Variants in RPS6KB1 observed in about 807,000 individuals in gnomAD.
RPS6KB1 encodes the protein ribosomal protein S6 kinase beta-1.
RPS6KB1 carries 12 observed loss-of-function variants against 70.2 expected under a neutral mutation model. The ratio of observed to expected loss-of-function variants is 0.17; its 90% CI spans 0.11 to 0.28. The LOEUF (loss-of-function observed/expected upper bound fraction) is 0.28, where lower values mean the gene tolerates loss of function less well. Ranked by LOEUF, RPS6KB1 falls within the 10% of genes least tolerant of loss-of-function variation. The probability of loss-of-function intolerance (pLI) is 1.00; values close to 1 mark genes in which losing one functional copy is unlikely to be tolerated. For missense variants in RPS6KB1, 270 were observed against 646.6 expected (o/e 0.42, Z 6.32); for synonymous variants, 175 against 211.2 (o/e 0.83, Z 1.49).
intron 5 of RPS6KB1, among the ~76,000 whole-genome samples, chr17:59,928,254 A>G (rs1227511780): frequency 2.6e-5 from 4 of 152,084 alleles, no homozygotes; most frequent in African/African-American, 9.7e-5. Context: ...GTTTTATCCT[A>G]TGTATATGTA....
intron 4 of RPS6KB1, among the ~76,000 whole-genome samples, chr17:59,924,737 G>T (rs1209633617): frequency 6.6e-6 from 1 of 151,616 alleles, no homozygotes; most frequent in Non-Finnish European, 1.5e-5. Flanking sequence ...ACAAAAGATA[G>T]CATAGTATCC....
chr17:59,930,283 A>G (rs2043857880), intron 6 of RPS6KB1, 109 bp downstream of exon 6: 1 of 767,798 alleles, frequency 1.3e-6, no homozygotes, highest in African/African-American at 1.7e-5. Context: ...CCAGTCACTC[A>G]CTCAGGACCT....
intron 12 of RPS6KB1, among the ~76,000 whole-genome samples, chr17:59,937,007 G>A (rs937248018): frequency 1.3e-5 from 2 of 152,006 alleles, no homozygotes; most frequent in African/African-American, 2.4e-5. Context: ...CTACAGACAC[G>A]TGTCACCATG....
At chr17:59,940,317 C>T (rs1470495874) in intron 12 of RPS6KB1, among the ~76,000 whole-genome samples, 7 of 141,526 alleles carry the variant, frequency 4.9e-5, no homozygotes, top group Admixed American at 2.9e-4. Context: ...GACAGACTCT[C>T]GCACTGTCAT....
intron 4 of RPS6KB1, among the ~76,000 whole-genome samples, chr17:59,924,601 T>A (rs1302075747): frequency 2.6e-5 from 4 of 151,934 alleles, no homozygotes; most frequent in Non-Finnish European, 5.9e-5. Flanking sequence ...CAGAAGGTAT[T>A]CTCAAAAGTC....
chr17:59,925,313 C>G (rs1468348721), intron 4 of RPS6KB1, among the ~76,000 whole-genome samples: 1 of 152,132 alleles, frequency 6.6e-6, no homozygotes, highest in African/African-American at 2.4e-5. Context: ...AGGGTAACTT[C>G]CTGGAACTTA....
chr17:59,929,671 G>T (rs1487978165), intron 5 of RPS6KB1, among the ~76,000 whole-genome samples: 1 of 151,928 alleles, frequency 6.6e-6, no homozygotes, highest in Non-Finnish European at 1.5e-5. Flanking sequence ...TTTTTACTAG[G>T]CCAGTGCCAG....
rs1183274834 is a variant in RPS6KB1, at chr17:59,912,567, G to A, written c.192-117G>A. 16 of 1,012,474 alleles carry A rather than the reference G, an allele frequency of 1.6e-5. No individual in the cohort carries two copies. In the South Asian group the frequency reaches 1.8e-4, roughly 12 times the overall value. The allele number at this position is 1,012,474 out of a possible 1,614,324, so 62.7% of individuals were successfully genotyped here. A position where few individuals can be genotyped will look rare whatever the true frequency, so the allele number is the denominator to read the frequency against. On this transcript the variant is annotated intron_variant, in intron 2 of 14. Coordinates refer to ENST00000225577, the MANE Select transcript of RPS6KB1 (RefSeq NM_003161.4). ...TAGAGCACAAATAATTTGGTGTCAT[G>A]TACTTTTTTACTTTTACTTACTTAG...
intron 1 of RPS6KB1, among the ~76,000 whole-genome samples, chr17:59,908,516 C>T (rs1023867272): frequency 8.1e-5 from 12 of 148,812 alleles, no homozygotes; most frequent in East Asian, 2.0e-4. Context: ...TATACATTTT[C>T]GAATAGATAA....
chr17:59,934,007 T>TA lies in RPS6KB1; in HGVS notation c.689-162dup, dbSNP rs2044096399. 1 of 613,226 alleles carries TA rather than the reference T, an allele frequency of 1.6e-6. No individual in the cohort carries two copies. Among genetic ancestry groups the TA allele is most frequent in the Non-Finnish European group, 3.0e-6 (1 of 337,200 alleles). The allele number at this position is 613,226 out of a possible 1,614,324, so 38.0% of individuals were successfully genotyped here. ...TGACTTTGCCCTAGCCTTAAACAGT[T>TA]AGCATCCCATTTTATGGATGGTACC... On this transcript the variant is annotated intron_variant, in intron 7 of 14. Coordinates refer to ENST00000225577, the MANE Select transcript of RPS6KB1 (RefSeq NM_003161.4). This position sits in a 1 kb window ranked among gnomAD's most constrained non-coding sequence, Gnocchi z 4.8.
chr17:59,912,274 C>A, intron 2 of RPS6KB1: 1 of 220,050 alleles, frequency 4.5e-6, no homozygotes, highest in Non-Finnish European at 9.5e-6. Flanking sequence ...TCTGCTCAAA[C>A]TGGCAAGGTC....
At chr17:59,901,461 TAAA>T (rs77992185) in intron 1 of RPS6KB1, among the ~76,000 whole-genome samples, 1 of 137,138 alleles carries the variant, frequency 7.3e-6, no homozygotes. Context: ...GACTCCATCT[TAAA>T]AAAAAAAAAA....
In RPS6KB1 at chr17:59,915,775, C is replaced by T. The variant is rs1213037332; in HGVS notation, c.381+1072C>T. ...GCCACTGCGCCTGGCCTACTGCTAT[C>T]TTTTTTTTTTTTTTTTTTTTTTTTA... On this transcript the variant is annotated intron_variant, in intron 4 of 14. Transcript: ENST00000225577. Among the ~76,000 whole-genome samples, 457 of 77,894 alleles carry T rather than the reference C, an allele frequency of 5.9e-3. 8 individuals carry two copies. The highest frequency in any genetic ancestry group is 0.028 in the African/African-American group (436 of 15,666). The allele number at this position is 77,894 out of a possible 152,430, so 51.1% of individuals were successfully genotyped here.
chr17:59,924,194 T>G (rs2043453179), intron 4 of RPS6KB1, among the ~76,000 whole-genome samples: 1 of 152,106 alleles, frequency 6.6e-6, no homozygotes, highest in Non-Finnish European at 1.5e-5. Context: ...CCAGGTGTGG[T>G]GGCAGGTGCC....
intron 1 of RPS6KB1, among the ~76,000 whole-genome samples, chr17:59,901,117 C>T (rs2041910304): frequency 6.6e-6 from 1 of 151,434 alleles, no homozygotes; most frequent in Admixed American, 6.6e-5. Context: ...GCCGAGATTG[C>T]ACCACTGCAT....
chr17:59,909,072 A>G (rs868482829), intron 1 of RPS6KB1, among the ~76,000 whole-genome samples: 35 of 150,690 alleles, frequency 2.3e-4, no homozygotes, highest in African/African-American at 8.0e-4. Context: ...CATTGCAGGC[A>G]TGGGCCACCA....
intron 1 of RPS6KB1, chr17:59,906,937 A>G (rs2042301670): frequency 2.7e-5 from 4 of 150,596 alleles, no homozygotes; most frequent in Non-Finnish European, 5.9e-5. Flanking sequence ...CAGGTGATCC[A>G]TGTGCCTTGG....
At chr17:59,927,672 T>C (rs2043694834) in intron 5 of RPS6KB1, among the ~76,000 whole-genome samples, 1 of 150,056 alleles carries the variant, frequency 6.7e-6, no homozygotes, top group Non-Finnish European at 1.5e-5. Context: ...ACACTTGGCT[T>C]TTTTTTGTAT....
chr17:59,910,644 G>T (rs1320217838), intron 2 of RPS6KB1, 33 bp downstream of exon 2: 1 of 1,420,946 alleles, frequency 7.0e-7, no homozygotes. Flanking sequence ...TCATTGTGTT[G>T]TCTTTCTTAC....
Sources: allele counts gnomAD v4.1 joint callset (sites outside exome capture counted in the v4.1 genomes callset), GRCh38; gene constraint gnomAD v4.1.1; non-coding constraint Gnocchi (gnomAD v3.1); transcripts MANE v1.5; gene names NCBI Gene and HGNC (gene_info 2026-07-23, HGNC 2026-07-21).